Variants in PCLO observed in about 807,000 individuals in gnomAD.
PCLO encodes the protein piccolo presynaptic cytomatrix protein.
Under a neutral mutation model 427.5 loss-of-function variants are expected in PCLO, and 82 were observed. That is an observed-to-expected ratio of 0.19 (90% CI 0.16 to 0.23). PCLO has a LOEUF of 0.23. PCLO is among the 10% of genes least tolerant of loss of function. The probability of loss-of-function intolerance (pLI) is 1.00; values close to 1 mark genes in which losing one functional copy is unlikely to be tolerated. For synonymous variants in PCLO, 2,357 were observed against 2,155.4 expected (o/e 1.09, Z -2.59); for missense variants, 6,239 against 6,115.9 (o/e 1.02, Z -0.67).
At chr7:83,050,208 G>GAAAAAAAAAAAAAAAAAAAAAAAAAA (rs556193471) in intron 3 of PCLO, among the ~76,000 whole-genome samples, 1 of 5,458 alleles carries the variant, frequency 1.8e-4, no homozygotes, top group Non-Finnish European at 3.6e-4. Flanking sequence ...CTGAAAAACT[G>GAAAAAAAAAAAAAAAAAAAAAAAAAA]AAAAAAAAAA....
At chr7:83,057,319 T>TATAC (rs1332290244) in intron 3 of PCLO, among the ~76,000 whole-genome samples, 56 of 9,318 alleles carry the variant, frequency 6.0e-3, no homozygotes, top group African/African-American at 0.028. Flanking sequence ...TATATATACA[T>TATAC]ATATATATAT....
chr7:82,901,223 G>A (rs1562845780), intron 9 of PCLO, among the ~76,000 whole-genome samples: 1 of 151,704 alleles, frequency 6.6e-6, no homozygotes, highest in African/African-American at 2.4e-5. Flanking sequence ...ATGTTCAAAT[G>A]TATATCCTAC....
At chr7:83,076,327 T>G (rs1422859712) in intron 3 of PCLO, among the ~76,000 whole-genome samples, 1 of 152,010 alleles carries the variant, frequency 6.6e-6, no homozygotes, top group Non-Finnish European at 1.5e-5. Flanking sequence ...CGGAGTGCAG[T>G]GGCAAGATCT....
At chr7:83,142,883 A>G (rs6974170) in intron 2 of PCLO, among the ~76,000 whole-genome samples, 113,562 of 151,888 alleles carry the variant, frequency 0.75, 42,975 homozygotes, top group East Asian at 0.99. Context: ...CGCTTGAACC[A>G]GGAGATGGAG....
intron 3 of PCLO, among the ~76,000 whole-genome samples, chr7:83,099,391 G>GTTT (rs11363474): frequency 7.0e-6 from 1 of 143,772 alleles, no homozygotes; most frequent in African/African-American, 2.6e-5. Flanking sequence ...AGATTTTTTT[G>GTTT]TTTTTTTTTT....
chr7:82,806,828 A>C (rs367934545), intron 20 of PCLO, among the ~76,000 whole-genome samples: 6 of 152,318 alleles, frequency 3.9e-5, no homozygotes, highest in South Asian at 2.1e-4. Context: ...GAGCCCAGTA[A>C]CTTACTCTTC....
intron 3 of PCLO, among the ~76,000 whole-genome samples, chr7:83,126,417 G>A (rs985700982): frequency 1.3e-5 from 2 of 152,066 alleles, no homozygotes; most frequent in African/African-American, 4.8e-5. Context: ...AAATGCTTGA[G>A]CTGACAGACA....
chr7:82,902,858 G>A lies in PCLO; in HGVS notation c.13438-117C>T, dbSNP rs79217800. 2.8e-3 allele frequency: 1,689 copies of A among 606,634 alleles called. 28 individuals are homozygous for A. The highest frequency in any genetic ancestry group is 0.026 in the African/African-American group (1,403 of 54,186). 37.6% of individuals were successfully genotyped at this position (606,634 alleles called of 1,614,324 possible). ...TGATTAAATCAATGGAACGTAGTAG[G>A]AGATTCTCACATGATGGCAATTTAA... On this transcript the variant is annotated intron_variant, in intron 8 of 24. Coordinates refer to ENST00000333891, the MANE Select transcript of PCLO (RefSeq NM_033026.6).
chr7:83,097,003 AAAT>A (rs1188479756), intron 3 of PCLO, among the ~76,000 whole-genome samples: 1 of 26,710 alleles, frequency 3.7e-5, no homozygotes, highest in African/African-American at 1.9e-4. Context: ...TATATTATAT[AAAT>A]AATATATATT....
At chr7:83,030,211 A>G (rs1011280614) in intron 3 of PCLO, among the ~76,000 whole-genome samples, 2 of 112,222 alleles carry the variant, frequency 1.8e-5, no homozygotes, top group African/African-American at 3.4e-5. Context: ...CTCTAATAAA[A>G]TTTGATAAGT....
intron 21 of PCLO, among the ~76,000 whole-genome samples, chr7:82,802,033 T>C (rs1791364857): frequency 6.6e-6 from 1 of 152,018 alleles, no homozygotes; most frequent in Non-Finnish European, 1.5e-5. Flanking sequence ...AAATAATATA[T>C]AAAAATGATA....
chr7:83,093,142 A>G (rs992146503), intron 3 of PCLO, among the ~76,000 whole-genome samples: 2 of 151,946 alleles, frequency 1.3e-5, no homozygotes, highest in Admixed American at 1.3e-4. Flanking sequence ...TTCAATTGCA[A>G]TTGAAATGCA....
intron 3 of PCLO, among the ~76,000 whole-genome samples, chr7:83,048,887 T>G (rs1789166529): frequency 6.6e-6 from 1 of 152,192 alleles, no homozygotes; most frequent in African/African-American, 2.4e-5. Flanking sequence ...ACTTGGCTAT[T>G]TAACATGCAC....
In PCLO at chr7:83,057,145, G is replaced by A. The variant is rs750752790; in HGVS notation, c.3300+77105C>T. Among the ~76,000 whole-genome samples, 21 of 149,032 alleles carry A rather than the reference G, an allele frequency of 1.4e-4. No homozygotes were observed. In the South Asian group the frequency reaches 3.2e-3, roughly 23 times the overall value. ...GTCACCGAGGCTGGAGTACAGTGGC[G>A]CAATGTCGGCTCACTGCTACCTCCG... is the stretch of plus-strand genomic sequence containing the variant. On this transcript the variant is annotated intron_variant, in intron 3 of 24. Coordinates refer to ENST00000333891, the MANE Select transcript of PCLO (RefSeq NM_033026.6).
At chr7:82,987,376 T>C (rs1276258400) in intron 3 of PCLO, among the ~76,000 whole-genome samples, 2 of 151,974 alleles carry the variant, frequency 1.3e-5, no homozygotes, top group South Asian at 2.1e-4. Flanking sequence ...ACCAAAACAA[T>C]TGTCAATAGT....
chr7:82,805,644 T>G (rs572020313), intron 21 of PCLO, 44 bp downstream of exon 21: 1 of 1,577,340 alleles, frequency 6.3e-7, no homozygotes, highest in African/African-American at 1.3e-5. Flanking sequence ...GCCTTACTCA[T>G]GATGCTGAGT....
intron 22 of PCLO, among the ~76,000 whole-genome samples, chr7:82,787,093 T>A (rs1208217950): frequency 3.3e-5 from 5 of 152,126 alleles, no homozygotes; most frequent in Non-Finnish European, 5.9e-5. Flanking sequence ...ATTCTTTGGG[T>A]ATATACCCAG....
chr7:82,973,022 T>A (rs1795939705), intron 3 of PCLO, among the ~76,000 whole-genome samples: 1 of 152,100 alleles, frequency 6.6e-6, no homozygotes, highest in Non-Finnish European at 1.5e-5. Flanking sequence ...CTGATAATTT[T>A]TTTTTTAGTT....
At chr7:82,993,925 T>A (rs954811785) in intron 3 of PCLO, among the ~76,000 whole-genome samples, 8 of 151,976 alleles carry the variant, frequency 5.3e-5, no homozygotes, top group Admixed American at 4.6e-4. Flanking sequence ...TAACACTATT[T>A]AAGAATGACA....
Sources: gnomAD v4.1 joint callset for allele counts (sites outside exome capture counted in the v4.1 genomes callset) on GRCh38, gnomAD v4.1.1 for gene constraint, MANE v1.5 for transcripts, NCBI Gene and HGNC (gene_info 2026-07-23, HGNC 2026-07-21) for gene names.